Variants in GABRG3 observed in about 807,000 individuals in gnomAD.
The protein encoded by GABRG3 is gamma-aminobutyric acid receptor subunit gamma-3.
A neutral mutation model predicts 48.8 loss-of-function variants in GABRG3; 25 were observed. That is an observed-to-expected ratio of 0.51 (90% CI 0.37 to 0.72). GABRG3 has a LOEUF of 0.72. GABRG3 is among the 30% of genes least tolerant of loss of function. The pLI is 0.00. For synonymous variants in GABRG3, 227 were observed against 217.6 expected (o/e 1.04, Z -0.38); for missense variants, 394 against 577.9 (o/e 0.68, Z 3.26).
intron 9 of GABRG3, among the ~76,000 whole-genome samples, chr15:27,529,745 A>G (rs1891373293): frequency 1.3e-5 from 2 of 152,250 alleles, no homozygotes; most frequent in Admixed American, 1.3e-4. Context: ...AAGGGTGCAC[A>G]TCATCACACA....
chr15:27,393,043 G>A (rs560221934), intron 5 of GABRG3, among the ~76,000 whole-genome samples: 36 of 152,124 alleles, frequency 2.4e-4, no homozygotes, highest in South Asian at 1.2e-3. Flanking sequence ...AGTAGAGAAC[G>A]GTATTAGAAA....
At chr15:27,454,589 T>C (rs1039984690) in intron 5 of GABRG3, among the ~76,000 whole-genome samples, 16 of 152,174 alleles carry the variant, frequency 1.1e-4, no homozygotes, top group Admixed American at 3.9e-4. Context: ...GTGCTGCTGA[T>C]GTAATGCCAT....
At chr15:27,202,443 G>A (rs1338881678) in intron 3 of GABRG3, among the ~76,000 whole-genome samples, 1 of 152,098 alleles carries the variant, frequency 6.6e-6, no homozygotes, top group African/African-American at 2.4e-5. Flanking sequence ...GGTATTTATG[G>A]CATTTGCATT....
At chr15:27,388,096 AAG>A (rs1441756257) in intron 5 of GABRG3, among the ~76,000 whole-genome samples, 16 of 40,010 alleles carry the variant, frequency 4.0e-4, no homozygotes, top group African/African-American at 9.2e-4. Context: ...GGAGGGAGGA[AAG>A]GGAGGGAGGG....
At chr15:27,239,655 T>A (rs923829924) in intron 3 of GABRG3, among the ~76,000 whole-genome samples, 28 of 152,240 alleles carry the variant, frequency 1.8e-4, no homozygotes, top group Non-Finnish European at 3.8e-4. Flanking sequence ...TCAGAAATTA[T>A]GTATGTTATT....
At chr15:27,213,285 A>G (rs549643383) in intron 3 of GABRG3, among the ~76,000 whole-genome samples, 1 of 152,312 alleles carries the variant, frequency 6.6e-6, no homozygotes, top group South Asian at 2.1e-4. Context: ...ATGTCAAAAT[A>G]CAGTTACCAC....
chr15:27,467,808 G>A (rs115245890), intron 5 of GABRG3, among the ~76,000 whole-genome samples: 4 of 152,252 alleles, frequency 2.6e-5, no homozygotes, highest in Admixed American at 2.0e-4. Flanking sequence ...AAATGTAGTC[G>A]TCTCCCCTAA....
intron 5 of GABRG3, among the ~76,000 whole-genome samples, chr15:27,479,422 A>G (rs932472078): frequency 6.6e-6 from 1 of 152,200 alleles, no homozygotes; most frequent in Non-Finnish European, 1.5e-5. Context: ...CGGGCAACCC[A>G]CAATCAGAAA....
intron 7 of GABRG3, among the ~76,000 whole-genome samples, chr15:27,523,027 T>C (rs1206805463): frequency 6.6e-6 from 1 of 151,806 alleles, no homozygotes; most frequent in Non-Finnish European, 1.5e-5. Context: ...ACCTAATAAT[T>C]ACATCATGAA....
At chr15:27,183,993 G>C (rs1888015083) in intron 3 of GABRG3, among the ~76,000 whole-genome samples, 1 of 152,130 alleles carries the variant, frequency 6.6e-6, no homozygotes, top group African/African-American at 2.4e-5. Flanking sequence ...ACATTAACAA[G>C]AGAAAAACAA....
At chr15:27,436,296 G>GTC in intron 5 of GABRG3, among the ~76,000 whole-genome samples, 1 of 152,134 alleles carries the variant, frequency 6.6e-6, no homozygotes, top group African/African-American at 2.4e-5. Flanking sequence ...CCCACTTGTG[G>GTC]GGGGAAGGGG....
chr15:27,219,825 CAT>C (rs1316073683), intron 3 of GABRG3, among the ~76,000 whole-genome samples: 8 of 152,366 alleles, frequency 5.3e-5, no homozygotes, highest in South Asian at 2.1e-4. Context: ...TTACTTAACA[CAT>C]GTTTTCAGAA....
In GABRG3 at chr15:27,407,050, C is replaced by T. The variant is rs548784113; in HGVS notation, c.575-73600C>T. On this transcript the variant is annotated intron_variant, in intron 5 of 9. Coordinates refer to ENST00000615808, the MANE Select transcript of GABRG3 (RefSeq NM_033223.5). ...TCAAGCAATTCTCCTGCCTCACCCT[C>T]GGGAGTAGCTGCGATTAGGGGCACG... Among the ~76,000 whole-genome samples, 11 of 152,146 alleles carry T rather than the reference C, an allele frequency of 7.2e-5. No homozygotes were observed. In the South Asian group the frequency reaches 8.3e-4, roughly 12 times the overall value.
chr15:27,455,866 C>T (rs1889260647), intron 5 of GABRG3, among the ~76,000 whole-genome samples: 1 of 152,054 alleles, frequency 6.6e-6, no homozygotes, highest in Admixed American at 6.6e-5. Flanking sequence ...TAAACACTTT[C>T]TGAAGGTGCT....
At chr15:27,088,382 G>A (rs968915247) in intron 3 of GABRG3, among the ~76,000 whole-genome samples, 1 of 152,096 alleles carries the variant, frequency 6.6e-6, no homozygotes, top group Non-Finnish European at 1.5e-5. Flanking sequence ...GCTATTCAGA[G>A]GGCAGGCGCT....
At chr15:26,994,453 A>G (rs925598358) in intron 2 of GABRG3, among the ~76,000 whole-genome samples, 1 of 151,990 alleles carries the variant, frequency 6.6e-6, no homozygotes. Context: ...ATAGTAAAAA[A>G]AAATGCATGC....
rs536613142 is a variant in GABRG3, at chr15:27,263,894, C to A, written c.271-62915C>A. On this transcript the variant is annotated intron_variant, in intron 3 of 9. Coordinates refer to ENST00000615808, the MANE Select transcript of GABRG3 (RefSeq NM_033223.5). ...TGAGCCGAGATCGCGCCACTGCACTCCAGCCTGGGCGAAAGAGCGAGACTC... is the reference window on the plus strand; with the variant it reads ...TGAGCCGAGATCGCGCCACTGCACTACAGCCTGGGCGAAAGAGCGAGACTC... 4.2e-4 allele frequency among the ~76,000 whole-genome samples: 63 copies of A among 151,062 alleles called. 1 individual carries two copies. In the South Asian group the frequency reaches 0.013, roughly 31 times the overall value.
intron 3 of GABRG3, among the ~76,000 whole-genome samples, chr15:27,122,747 G>C (rs771934933): frequency 6.6e-6 from 1 of 152,178 alleles, no homozygotes; most frequent in East Asian, 1.9e-4. Context: ...GCCTTGGTAC[G>C]ACTTTAGCTA....
intron 6 of GABRG3, 131 bp downstream of exon 6, chr15:27,480,918 G>A: frequency 7.0e-7 from 1 of 1,426,714 alleles, no homozygotes; most frequent in East Asian, 2.5e-5. Flanking sequence ...CAAAACAAGT[G>A]ATTCAAAGTG....
Sources: allele counts gnomAD v4.1 joint callset (sites outside exome capture counted in the v4.1 genomes callset), GRCh38; gene constraint gnomAD v4.1.1; transcripts MANE v1.5; gene names NCBI Gene and HGNC (gene_info 2026-07-23, HGNC 2026-07-21).